Variants in TFCP2 observed in about 807,000 individuals in gnomAD.
The protein encoded by TFCP2 is transcription factor CP2.
A neutral mutation model predicts 73.4 loss-of-function variants in TFCP2; 33 were observed. That is an observed-to-expected ratio of 0.45 (90% CI 0.34 to 0.60). TFCP2 has a LOEUF of 0.60. TFCP2 is among the 20% of genes least tolerant of loss of function. The pLI is 0.01. For missense variants in TFCP2, 352 were observed against 604.0 expected (o/e 0.58, Z 4.37); for synonymous variants, 193 against 211.6 (o/e 0.91, Z 0.76).
intron 1 of TFCP2, among the ~76,000 whole-genome samples, chr12:51,171,668 G>A (rs372437674): frequency 6.6e-6 from 1 of 152,102 alleles, no homozygotes; most frequent in African/African-American, 2.4e-5. Flanking sequence ...GTGAGCCACC[G>A]CACCCGGCCG....
chr12:51,163,022 G>C (rs975753098), intron 1 of TFCP2: 5 of 152,260 alleles, frequency 3.3e-5, no homozygotes, highest in African/African-American at 1.2e-4. Flanking sequence ...TTTCAGGGCT[G>C]GGTATGGTGG....
chr12:51,118,437 C>G (rs1270209791), intron 2 of TFCP2, among the ~76,000 whole-genome samples, 184 bp downstream of exon 2: 1 of 152,068 alleles, frequency 6.6e-6, no homozygotes, highest in Non-Finnish European at 1.5e-5. Context: ...TGCCTGTGGT[C>G]CCAGCTACTC....
intron 4 of TFCP2, among the ~76,000 whole-genome samples, chr12:51,115,410 G>A (rs371829797): frequency 1.3e-5 from 2 of 152,072 alleles, no homozygotes; most frequent in Admixed American, 6.6e-5. Flanking sequence ...GTGAGCCATC[G>A]CGCCCGGCCG....
chr12:51,154,920 C>T (rs557680395), intron 1 of TFCP2, among the ~76,000 whole-genome samples: 4 of 152,144 alleles, frequency 2.6e-5, no homozygotes, highest in Admixed American at 1.3e-4. Context: ...ACTTAAAAAG[C>T]GGGTAAAGCA....
At chr12:51,139,832 A>G (rs1289853186) in intron 1 of TFCP2, among the ~76,000 whole-genome samples, 1 of 152,182 alleles carries the variant, frequency 6.6e-6, no homozygotes, top group Non-Finnish European at 1.5e-5. Context: ...TAATGCTGTG[A>G]GGTAGGAGGA....
At chr12:51,153,681 C>T (rs1434116591) in intron 1 of TFCP2, among the ~76,000 whole-genome samples, 1 of 152,192 alleles carries the variant, frequency 6.6e-6, no homozygotes, top group Non-Finnish European at 1.5e-5. Context: ...ACATTTCACA[C>T]ACCATAATGT....
intron 1 of TFCP2, among the ~76,000 whole-genome samples, chr12:51,165,725 G>A (rs1182683459): frequency 6.6e-6 from 1 of 152,166 alleles, no homozygotes. Flanking sequence ...CACTGATCTG[G>A]ACATTTTTAA....
chr12:51,154,101 A>G (rs1180770755), intron 1 of TFCP2, among the ~76,000 whole-genome samples: 2 of 152,304 alleles, frequency 1.3e-5, no homozygotes, highest in Middle Eastern at 6.8e-3. Flanking sequence ...GTATGTACTT[A>G]CAACATTTTG....
chr12:51,149,021 T>A (rs1462079350), intron 1 of TFCP2, among the ~76,000 whole-genome samples: 2 of 6,568 alleles, frequency 3.0e-4, no homozygotes, highest in African/African-American at 1.9e-4. Flanking sequence ...CAAGACTCCA[T>A]CTCAAAAAAA....
In TFCP2 at chr12:51,172,255, G is replaced by A. The variant is rs529379912; in HGVS notation, c.122+46C>T. ...CAACCCCTTTTCTTAGTGTCTATCC[G>A]CCTTTGTTATTCAGAAGGTGTAGGG... On this transcript the variant is annotated intron_variant, in intron 1 of 14. Coordinates refer to ENST00000257915, the MANE Select transcript of TFCP2 (RefSeq NM_005653.5). 188 of 1,607,174 alleles carry A rather than the reference G, an allele frequency of 1.2e-4. 6 individuals are homozygous for A. In the South Asian group the frequency reaches 2.0e-3, roughly 17 times the overall value.
At chr12:51,172,229 T>G in intron 1 of TFCP2, 72 bp downstream of exon 1, 1 of 1,588,346 alleles carries the variant, frequency 6.3e-7, no homozygotes, top group Non-Finnish European at 8.6e-7. Flanking sequence ...TCCTTCCCAC[T>G]CAACCCCTTT....
At chr12:51,099,803 T>C in intron 11 of TFCP2, 24 bp from the exon 12 acceptor site, 1 of 1,610,936 alleles carries the variant, frequency 6.2e-7, no homozygotes, top group South Asian at 1.1e-5. Flanking sequence ...AAAGGCTAAT[T>C]AGTCTTACAT....
chr12:51,099,569 T>C (rs1566197941), intron 12 of TFCP2, 86 bp downstream of exon 12: 1 of 1,510,644 alleles, frequency 6.6e-7, no homozygotes, highest in Non-Finnish European at 9.1e-7. Context: ...CTAAATCTGC[T>C]GTTTGATAGT....
intron 9 of TFCP2, 30 bp from the exon 10 acceptor site, chr12:51,103,793 C>T: frequency 1.3e-6 from 2 of 1,564,904 alleles, no homozygotes; most frequent in Non-Finnish European, 1.8e-6. Context: ...TTTTAGATAA[C>T]CAAATAGATT....
At chr12:51,107,555 G>A (rs574519264) in intron 6 of TFCP2, among the ~76,000 whole-genome samples, 1 of 152,136 alleles carries the variant, frequency 6.6e-6, no homozygotes, top group Non-Finnish European at 1.5e-5. Context: ...CTACTGACAT[G>A]GAAAGATCTC....
chr12:51,129,556 A>G (rs958645976), intron 1 of TFCP2, among the ~76,000 whole-genome samples: 2 of 151,638 alleles, frequency 1.3e-5, no homozygotes, highest in Non-Finnish European at 2.9e-5. Context: ...AGAGATAAGA[A>G]TAAGTGAGGT....
In TFCP2 at chr12:51,164,075, T is replaced by C. The variant is rs200246086; in HGVS notation, c.122+8226A>G. ...AAAATTAGCTGGGTTTGGTGATGCA[T>C]GCCTGTAGTCTCAGTTACTCAGGAG... On this transcript the variant is annotated intron_variant, in intron 1 of 14. Coordinates refer to ENST00000257915, the MANE Select transcript of TFCP2 (RefSeq NM_005653.5). Among the ~76,000 whole-genome samples the C allele has an allele frequency of 1.7e-4, 26 of 151,984 alleles. No individual in the cohort carries two copies. In the East Asian group the frequency reaches 5.0e-3, roughly 29 times the overall value.
In TFCP2 at chr12:51,099,731, C is replaced by T; in HGVS notation, c.1200G>A (p.Gln400=). ...GCTGCTGTTGTTGCTGCTCCCTCAACTGCAGTGATTCCTGACAAACATAAA... is the reference window on the plus strand; with the variant it reads ...GCTGCTGTTGTTGCTGCTCCCTCAATTGCAGTGATTCCTGACAAACATAAA... ...LTIYVCQESL[Q]LREQQQQQQQ... is the part of the protein sequence containing the mutation. Residue 400 remains glutamine (Q), a synonymous_variant, in exon 12 of 15, where the codon CAG becomes CAA. Coordinates refer to ENST00000257915, the MANE Select transcript of TFCP2 (RefSeq NM_005653.5). 1 of 1,614,194 alleles carries T rather than the reference C, an allele frequency of 6.2e-7. No individual in the cohort carries two copies. Among genetic ancestry groups the T allele is most frequent in the Non-Finnish European group, 8.5e-7 (1 of 1,180,038 alleles).
At chr12:51,096,646 G>A (rs537200763) in intron 13 of TFCP2, among the ~76,000 whole-genome samples, 14 of 152,294 alleles carry the variant, frequency 9.2e-5, no homozygotes, top group Middle Eastern at 6.8e-3. Flanking sequence ...ACAAATTGTC[G>A]TAAGACAGAG....
Sources: gnomAD v4.1 joint callset for allele counts (sites outside exome capture counted in the v4.1 genomes callset) on GRCh38, gnomAD v4.1.1 for gene constraint, MANE v1.5 for transcripts, NCBI Gene and HGNC (gene_info 2026-07-23, HGNC 2026-07-21) for gene names.